The following TTC27 variants were observed in gnomAD, a reference collection of about 807,000 sequenced individuals.
The protein encoded by TTC27 is tetratricopeptide repeat protein 27.
In TTC27, 79 loss-of-function variants were observed where a neutral mutation model predicts 115.9. The ratio of observed to expected loss-of-function variants is 0.68; its 90% CI spans 0.57 to 0.82. The LOEUF is 0.82. TTC27 is among the 40% of genes least tolerant of loss of function. The probability of loss-of-function intolerance (pLI) is 0.00; values close to 1 mark genes in which losing one functional copy is unlikely to be tolerated. For missense variants in TTC27, 1,054 were observed against 993.1 expected, an observed-to-expected ratio of 1.06 and a Z score of -0.82; for synonymous variants, 401 against 356.0, an observed-to-expected ratio of 1.13 and a Z score of -1.42.
chr2:32,682,845 T>TTTTTTTTTTTTC (rs1666484489), intron 9 of TTC27, among the ~76,000 whole-genome samples: 1 of 37,890 alleles, frequency 2.6e-5, no homozygotes, highest in African/African-American at 9.1e-5. Flanking sequence ...ATTTTTATTG[T>TTTTTTTTTTTTC]TGTTTTTTTT....
At chr2:32,782,784 G>A (rs113380710) in intron 15 of TTC27, 106 bp downstream of exon 15, 51 of 867,776 alleles carry the variant, frequency 5.9e-5, no homozygotes, top group African/African-American at 1.3e-4. Context: ...TACCTTTCTC[G>A]CCCATGTATA....
intron 4 of TTC27, among the ~76,000 whole-genome samples, chr2:32,643,021 G>A (rs1227611056): frequency 6.6e-6 from 1 of 152,162 alleles, no homozygotes; most frequent in Admixed American, 6.5e-5. Flanking sequence ...CCAGGCTGGA[G>A]TACAGTGGTG....
At chr2:32,787,597 T>C (rs17395342) in intron 16 of TTC27, among the ~76,000 whole-genome samples, 1,693 of 152,334 alleles carry the variant, frequency 0.011, 20 homozygotes, top group Non-Finnish European at 0.018. Flanking sequence ...CTTTGCAATG[T>C]TTCATGAGAT....
At chr2:32,758,681 CTTG>C (rs1252533666) in intron 13 of TTC27, among the ~76,000 whole-genome samples, 162 bp downstream of exon 13, 1 of 152,016 alleles carries the variant, frequency 6.6e-6, no homozygotes, top group Non-Finnish European at 1.5e-5. Context: ...TGCAAACTTG[CTTG>C]TTGCAAAAAG....
At chr2:32,710,723 C>G (rs771120383) in intron 10 of TTC27, among the ~76,000 whole-genome samples, 5 of 152,032 alleles carry the variant, frequency 3.3e-5, no homozygotes, top group Middle Eastern at 3.4e-3. Flanking sequence ...GCCACCACGC[C>G]CAGCCTGTAT....
At chr2:32,742,889 G>A (rs1425792873) in intron 12 of TTC27, among the ~76,000 whole-genome samples, 7 of 152,006 alleles carry the variant, frequency 4.6e-5, no homozygotes, top group African/African-American at 1.2e-4. Flanking sequence ...GTGTGTGTGC[G>A]CACACACTTT....
intron 9 of TTC27, among the ~76,000 whole-genome samples, chr2:32,683,991 TA>T (rs933427032): frequency 1.1e-4 from 17 of 150,458 alleles, no homozygotes; most frequent in African/African-American, 2.9e-4. Flanking sequence ...CTGTCTCTGC[TA>T]AAAAAAAATA....
intron 4 of TTC27, among the ~76,000 whole-genome samples, chr2:32,641,882 G>A (rs1470746289): frequency 6.7e-6 from 1 of 150,326 alleles, no homozygotes; most frequent in Non-Finnish European, 1.5e-5. Context: ...TTGAGACAGA[G>A]TCTCGCTCTG....
At chr2:32,763,459 TTCTGCACC>T (rs1425549707) in intron 13 of TTC27, among the ~76,000 whole-genome samples, 5 of 152,250 alleles carry the variant, frequency 3.3e-5, no homozygotes, top group Non-Finnish European at 5.9e-5. Context: ...TTTGAATGGC[TTCTGCACC>T]TCTTAATAAC....
At chr2:32,798,704 C>CAAAAAAAAAAAAAA (rs1168987401) in intron 16 of TTC27, among the ~76,000 whole-genome samples, 1 of 121,204 alleles carries the variant, frequency 8.3e-6, no homozygotes, top group African/African-American at 3.5e-5. Flanking sequence ...GACTCCAGCT[C>CAAAAAAAAAAAAAA]AAAAAAAAAA....
intron 12 of TTC27, among the ~76,000 whole-genome samples, chr2:32,757,499 T>TA (rs1369641951): frequency 6.6e-6 from 1 of 152,208 alleles, no homozygotes; most frequent in Admixed American, 6.5e-5. Flanking sequence ...ACCTCACAGA[T>TA]ACGGCGCCTT....
At chr2:32,745,033 G>A (rs1027608377) in intron 12 of TTC27, among the ~76,000 whole-genome samples, 1 of 116,984 alleles carries the variant, frequency 8.5e-6, no homozygotes, top group Non-Finnish European at 1.6e-5. Flanking sequence ...GCCAGCCTGG[G>A]CAACAGAGTG....
intron 8 of TTC27, among the ~76,000 whole-genome samples, chr2:32,675,791 TTTTTG>T (rs935953046): frequency 6.6e-6 from 1 of 151,936 alleles, no homozygotes; most frequent in African/African-American, 2.4e-5. Context: ...AATTCTTTTT[TTTTTG>T]TTTTGTTTTT....
chr2:32,683,945 GT>G (rs1666534575), intron 9 of TTC27, among the ~76,000 whole-genome samples: 1 of 152,118 alleles, frequency 6.6e-6, no homozygotes, highest in Non-Finnish European at 1.5e-5. Context: ...CACAAGGTCA[GT>G]AGTTTGTGAC....
chr2:32,637,302 G>C (rs1664465048), intron 3 of TTC27, among the ~76,000 whole-genome samples: 1 of 151,980 alleles, frequency 6.6e-6, no homozygotes, highest in Non-Finnish European at 1.5e-5. Context: ...TCTTGTCTCA[G>C]AGTGATTAGG....
At chr2:32,734,819 G>A (rs761493826) in intron 11 of TTC27, among the ~76,000 whole-genome samples, 9 of 152,182 alleles carry the variant, frequency 5.9e-5, no homozygotes, top group Non-Finnish European at 8.8e-5. Context: ...AATTATACCA[G>A]CTAATAACAA....
rs1667451323 is a variant in TTC27 at position 32,708,304 on chromosome 2, G to GTTTTTTTTTTTTTTTTTTTA, written c.1233+5403_1233+5404insATTTTTTTTTTTTTTTTTTT. Among the ~76,000 whole-genome samples the GTTTTTTTTTTTTTTTTTTTA allele has an allele frequency of 3.3e-5, 2 of 61,348 alleles. 1 individual carries two copies. The highest frequency in any genetic ancestry group is 0.036 in the Middle Eastern group (2 of 56). The allele number at this position is 61,348 out of a possible 152,430, so 40.2% of individuals were successfully genotyped here. On this transcript the variant is annotated intron_variant, in intron 10 of 19. Transcript: ENST00000317907. ...AATAGCGTTTTCTTTTCTCTACCTT[G>GTTTTTTTTTTTTTTTTTTTA]TTTTTTTTTTTTTTTTTTTTTTAAT...
chr2:32,812,733 T>A, intron 18 of TTC27, 118 bp downstream of exon 18: 2 of 706,360 alleles, frequency 2.8e-6, no homozygotes, highest in South Asian at 3.7e-5. Context: ...TTTCATTATA[T>A]TGACATTGTT....
chr2:32,694,167 G>A (rs1666906209), intron 9 of TTC27, among the ~76,000 whole-genome samples: 1 of 152,106 alleles, frequency 6.6e-6, no homozygotes, highest in Non-Finnish European at 1.5e-5. Context: ...GCATTTCTAA[G>A]AAATGAGTAT....
Sources: gnomAD v4.1 joint callset for allele counts (sites outside exome capture counted in the v4.1 genomes callset) on GRCh38, gnomAD v4.1.1 for gene constraint, MANE v1.5 for transcripts, NCBI Gene and HGNC (gene_info 2026-07-23, HGNC 2026-07-21) for gene names.